Variants in RHCG observed in about 807,000 individuals in gnomAD.
The protein encoded by RHCG is ammonium transporter Rh type C.
Under a neutral mutation model 55.3 loss-of-function variants are expected in RHCG, and 39 were observed. The observed-to-expected ratio is 0.70, with a 90% CI of 0.55 to 0.92. The LOEUF (loss-of-function observed/expected upper bound fraction) is 0.92. Among genes scored for constraint, RHCG ranks in the 40% least tolerant of loss-of-function variants. The pLI is 0.00. For missense variants in RHCG, 635 were observed against 627.9 expected (o/e 1.01, Z -0.12); for synonymous variants, 250 against 246.8 (o/e 1.01, Z -0.12).
rs531227683 is a variant in RHCG, at chr15:89,486,963, C to A, written c.207G>T (p.Met69Ile). Reference sequence around the variant, plus strand: ...TGAGGAAGCCGAAGCCCACGAAGACCATCACGTGCACGTCCTGGAAGCCTG... The same window carrying A: ...TGAGGAAGCCGAAGCCCACGAAGACAATCACGTGCACGTCCTGGAAGCCTG... ...RYPSFQDVHV[M>I]VFVGFGFLMT... The change falls in exon 2 of 11, where the codon ATG (methionine) becomes ATT (isoleucine). Residue 69 changes from methionine to isoleucine, a missense_variant. Physicochemically the swap from Met to Ile is conservative, Grantham distance 10. Transcript: ENST00000268122. 1.9e-6 allele frequency: 3 copies of A among 1,601,882 alleles called. No homozygotes were observed. The South Asian group carries it at 3.3e-5, about 18-fold the overall frequency.
intron 8 of RHCG, 108 bp downstream of exon 8, chr15:89,476,974 A>G: frequency 6.4e-7 from 1 of 1,562,850 alleles, no homozygotes; most frequent in South Asian, 1.1e-5. Context: ...TGCAGAGATC[A>G]GGGATTCCTG....
chr15:89,489,582 C>A (rs939619062), intron 1 of RHCG, among the ~76,000 whole-genome samples: 1 of 152,204 alleles, frequency 6.6e-6, no homozygotes, highest in African/African-American at 2.4e-5. Context: ...ACTCCCTCAC[C>A]CACCTGCCTC....
In RHCG at chr15:89,479,604, T is replaced by G. The variant is rs1179008380; in HGVS notation, c.671-116A>C. On this transcript the variant is annotated intron_variant, in intron 4 of 10. Transcript: ENST00000268122. ...AGAGATGACCCCACACCCAGCTGTT[T>G]CCACCTCTGCAGCTTTAGTCATGCA... 3.2e-6 allele frequency: 3 copies of G among 950,138 alleles called. No individual in the cohort carries two copies. In the African/African-American group the frequency reaches 5.0e-5, roughly 16 times the overall value. The allele number at this position is 950,138 out of a possible 1,614,324, so 58.9% of individuals were successfully genotyped here. A position where few individuals can be genotyped will look rare whatever the true frequency, so the allele number is the denominator to read the frequency against.
chr15:89,475,403 C>A (rs28708922), intron 9 of RHCG, among the ~76,000 whole-genome samples: 4 of 152,086 alleles, frequency 2.6e-5, no homozygotes, highest in Non-Finnish European at 5.9e-5. Flanking sequence ...ACACTGAGCC[C>A]GGCTAATTTT....
intron 1 of RHCG, 27 bp downstream of exon 1, chr15:89,496,334 G>A: frequency 1.9e-6 from 3 of 1,611,960 alleles, no homozygotes; most frequent in Non-Finnish European, 2.5e-6. Flanking sequence ...ATATGCCTCC[G>A]CTGGGCCTGC....
chr15:89,495,463 G>C (rs1596410854), intron 1 of RHCG, among the ~76,000 whole-genome samples: 1 of 152,204 alleles, frequency 6.6e-6, no homozygotes, highest in African/African-American at 2.4e-5. Context: ...TTGGCTGATG[G>C]CGGATGGAGT....
At chr15:89,479,973 T>C (rs955726631) in intron 4 of RHCG, among the ~76,000 whole-genome samples, 6 of 152,246 alleles carry the variant, frequency 3.9e-5, no homozygotes, top group African/African-American at 1.4e-4. Flanking sequence ...GTTACCACTG[T>C]GTCTGCCTTG....
chr15:89,482,216 C>G (rs144754341), intron 3 of RHCG, among the ~76,000 whole-genome samples: 1 of 152,180 alleles, frequency 6.6e-6, no homozygotes, highest in Admixed American at 6.5e-5. Flanking sequence ...GGATTACAGG[C>G]ATGAGCCACA....
rs772589393 is a variant in RHCG at position 89,496,389 on chromosome 15, C to T, written c.156G>A (p.Met52Ile). The change falls in exon 1 of 11, where the codon ATG becomes ATA. Residue 52 changes from methionine to isoleucine, a missense_variant. Coordinates refer to ENST00000268122, the MANE Select transcript of RHCG (RefSeq NM_016321.3). ...SERTHKNLSD[M>I]ENEFYYRYPS... ...GGTAGCGATAGTAGAATTCGTTCTC[C>T]ATGTCGCTCAAGTTCTTGTGCGTCC... 7.4e-6 allele frequency: 12 copies of T among 1,613,882 alleles called. No homozygotes were observed. In the Admixed American group the frequency reaches 1.0e-4, roughly 13 times the overall value.
In RHCG at chr15:89,496,206, C is replaced by A. The variant is rs1283325396; in HGVS notation, c.184+155G>T. On this transcript the variant is annotated intron_variant, in intron 1 of 10. Coordinates refer to ENST00000268122, the MANE Select transcript of RHCG (RefSeq NM_016321.3). ...GGAAAAGGAGTTTGTGCACATCTGA[C>A]AATTTCCCACGCATGCCCTGCAGAG... is the stretch of plus-strand genomic sequence containing the variant. 2.0e-5 allele frequency among the ~76,000 whole-genome samples: 3 copies of A among 152,202 alleles called. No homozygotes were observed. The East Asian group carries it at 5.8e-4, about 29-fold the overall frequency.
intron 1 of RHCG, among the ~76,000 whole-genome samples, chr15:89,488,661 G>C (rs1961417039): frequency 6.6e-6 from 1 of 151,348 alleles, no homozygotes; most frequent in African/African-American, 2.4e-5. Context: ...TTCTTGAAAA[G>C]TATCAGTCAT....
chr15:89,489,803 C>A (rs1961440889), intron 1 of RHCG, among the ~76,000 whole-genome samples: 1 of 152,200 alleles, frequency 6.6e-6, no homozygotes, highest in Non-Finnish European at 1.5e-5. Context: ...GATAGGTTCT[C>A]CCCCTATGGC....
chr15:89,477,739 T>C lies in RHCG; in HGVS notation c.976-86A>G, dbSNP rs1054042320. The C allele has an allele frequency of 6.0e-5, 97 of 1,603,672 alleles. 1 individual carries two copies. The highest frequency in any genetic ancestry group is 5.0e-4 in the Middle Eastern group (3 of 6,050). ...GGGATTCCAGAGACCCAGGATTCTCTAGCCCTCAGCCCCCTCCCTAGGAAC... is the reference window on the plus strand; with the variant it reads ...GGGATTCCAGAGACCCAGGATTCTCCAGCCCTCAGCCCCCTCCCTAGGAAC... On this transcript the variant is annotated intron_variant, in intron 6 of 10. Transcript: ENST00000268122. This position sits in a 1 kb window ranked among gnomAD's most constrained non-coding sequence, Gnocchi z 4.5.
At chr15:89,479,214 C>T in intron 5 of RHCG, 108 bp downstream of exon 5, 2 of 1,191,498 alleles carry the variant, frequency 1.7e-6, no homozygotes. Context: ...CCAACCTCAT[C>T]TGCAAGATGG....
intron 1 of RHCG, among the ~76,000 whole-genome samples, chr15:89,488,978 A>G (rs920162646): frequency 6.6e-5 from 10 of 152,172 alleles, no homozygotes; most frequent in Admixed American, 6.5e-4. Flanking sequence ...GAGGGCCATG[A>G]CGTATGTGAC....
chr15:89,472,353 C>T (rs1211419111), intron 10 of RHCG, among the ~76,000 whole-genome samples: 1 of 152,136 alleles, frequency 6.6e-6, no homozygotes, highest in Non-Finnish European at 1.5e-5. Flanking sequence ...CCAGACGTGT[C>T]AGCTTCATTT....
rs757616709 is a variant in RHCG, at chr15:89,496,443, G to C, written c.102C>G (p.Phe34Leu). Residue 34 changes from phenylalanine to leucine, a missense_variant, in exon 1 of 11, where the codon TTC becomes TTG. Coordinates refer to ENST00000268122, the MANE Select transcript of RHCG (RefSeq NM_016321.3). ...ILFGVFVRYD[F>L]EADAHWWSER... ...CTGACCACCAGTGGGCGTCGGCCTCGAAGTCGTAGCGCACGAACACCCCGA... is the reference window on the plus strand; with the variant it reads ...CTGACCACCAGTGGGCGTCGGCCTCCAAGTCGTAGCGCACGAACACCCCGA... 8 of 1,614,040 alleles carry C rather than the reference G, an allele frequency of 5.0e-6. No individual in the cohort carries two copies. The highest frequency in any genetic ancestry group is 6.8e-6 in the Non-Finnish European group (8 of 1,179,966).
At chr15:89,495,395 C>T (rs1168269466) in intron 1 of RHCG, among the ~76,000 whole-genome samples, 3 of 152,146 alleles carry the variant, frequency 2.0e-5, no homozygotes, top group Non-Finnish European at 2.9e-5. Flanking sequence ...GCTTTAGGGT[C>T]CCTTTCAAAG....
At chr15:89,485,319 G>A (rs1355256359) in intron 2 of RHCG, among the ~76,000 whole-genome samples, 2 of 152,282 alleles carry the variant, frequency 1.3e-5, no homozygotes, top group African/African-American at 4.8e-5. Context: ...TGTGCATTTT[G>A]AACTTCGGGG....
Sources: allele counts gnomAD v4.1 joint callset (sites outside exome capture counted in the v4.1 genomes callset), GRCh38; gene constraint gnomAD v4.1.1; non-coding constraint Gnocchi (gnomAD v3.1); transcripts MANE v1.5; gene names NCBI Gene and HGNC (gene_info 2026-07-23, HGNC 2026-07-21).